The following MACROD2 variants were observed in gnomAD, a reference collection of about 807,000 sequenced individuals.
MACROD2 encodes the protein ADP-ribose glycohydrolase MACROD2.
In MACROD2, 36 loss-of-function variants were observed where a neutral mutation model predicts 70.4. That is an observed-to-expected ratio of 0.51 (90% confidence interval 0.39 to 0.68). The LOEUF (loss-of-function observed/expected upper bound fraction) is 0.68. Ranked by LOEUF, MACROD2 falls within the 30% of genes least tolerant of loss-of-function variation. The probability of loss-of-function intolerance (pLI) is 0.00; values close to 1 mark genes in which losing one functional copy is unlikely to be tolerated. For missense variants in MACROD2, 496 were observed against 538.4 expected (o/e 0.92, Z 0.78); for synonymous variants, 172 against 178.8 (o/e 0.96, Z 0.30).
intron 8 of MACROD2, among the ~76,000 whole-genome samples, chr20:15,580,641 G>A (rs1217174935): frequency 6.6e-6 from 1 of 152,112 alleles, no homozygotes; most frequent in Non-Finnish European, 1.5e-5. Context: ...GTGGCCAATG[G>A]AAAACTTCCT....
chr20:14,464,488 C>G (rs556248189), intron 3 of MACROD2, among the ~76,000 whole-genome samples: 2 of 152,070 alleles, frequency 1.3e-5, no homozygotes, highest in South Asian at 2.1e-4. Context: ...AAAACCAGCT[C>G]CTGGATTCAT....
chr20:14,564,934 C>T (rs906896690), intron 4 of MACROD2, among the ~76,000 whole-genome samples: 1 of 151,850 alleles, frequency 6.6e-6, no homozygotes, highest in Non-Finnish European at 1.5e-5. Flanking sequence ...TGGAATCAAC[C>T]TAAATGTTGA....
chr20:14,534,532 C>T (rs780776308), intron 4 of MACROD2, among the ~76,000 whole-genome samples: 6 of 152,104 alleles, frequency 3.9e-5, no homozygotes, highest in Non-Finnish European at 5.9e-5. Context: ...TGAATAATCT[C>T]GTTGATCAAG....
intron 6 of MACROD2, among the ~76,000 whole-genome samples, chr20:15,319,021 T>C (rs941727065): frequency 6.6e-6 from 1 of 152,114 alleles, no homozygotes; most frequent in Non-Finnish European, 1.5e-5. Flanking sequence ...AGTAAAACTA[T>C]TTCTAATGGC....
intron 12 of MACROD2, among the ~76,000 whole-genome samples, chr20:15,945,350 T>G (rs1216283683): frequency 6.6e-6 from 1 of 152,226 alleles, no homozygotes; most frequent in Non-Finnish European, 1.5e-5. Context: ...AAAGATCTAA[T>G]TAATCCATTT....
intron 8 of MACROD2, among the ~76,000 whole-genome samples, chr20:15,653,216 T>C (rs986482721): frequency 2.6e-5 from 4 of 152,216 alleles, no homozygotes; most frequent in African/African-American, 7.2e-5. Flanking sequence ...ATTAGCACTC[T>C]CTTTATTTGT....
At chr20:14,339,475 G>A (rs1340896562) in intron 3 of MACROD2, among the ~76,000 whole-genome samples, 1 of 152,146 alleles carries the variant, frequency 6.6e-6, no homozygotes, top group Admixed American at 6.5e-5. Context: ...AGTTGGTTCT[G>A]TTTAAAAAAG....
intron 6 of MACROD2, among the ~76,000 whole-genome samples, chr20:15,295,222 C>T (rs2077575238): frequency 1.3e-5 from 2 of 152,178 alleles, no homozygotes; most frequent in South Asian, 2.1e-4. Context: ...AATTGTGAGT[C>T]CTCCCCAGTC....
rs1389356621 is a variant in MACROD2 at position 15,342,711 on chromosome 20, T to A, written c.541-88694T>A. ...ACTGTAATATAGTAAAAATGTGACT[T>A]AAAACATTAAATGGATTAAGGAGAA... On this transcript the variant is annotated intron_variant, in intron 6 of 17. Transcript: ENST00000684519. Among the ~76,000 whole-genome samples the A allele has an allele frequency of 2.0e-5, 3 of 152,274 alleles. No individual in the cohort carries two copies. The East Asian group carries it at 5.8e-4, about 29-fold the overall frequency.
intron 6 of MACROD2, among the ~76,000 whole-genome samples, chr20:15,239,467 C>A (rs530032582): frequency 6.6e-6 from 1 of 151,982 alleles, no homozygotes; most frequent in South Asian, 2.1e-4. Flanking sequence ...AAACACATAC[C>A]CTTCAAAACT....
At chr20:14,177,337 T>A (rs1053416448) in intron 3 of MACROD2, among the ~76,000 whole-genome samples, 1 of 151,356 alleles carries the variant, frequency 6.6e-6, no homozygotes, top group African/African-American at 2.4e-5. Flanking sequence ...GTTTTGCTTT[T>A]GTTGCCCAGG....
At chr20:15,619,686 G>T (rs2049097392) in intron 8 of MACROD2, 1 of 261,794 alleles carries the variant, frequency 3.8e-6, no homozygotes, top group Non-Finnish European at 7.8e-6. Flanking sequence ...TCATAAGGAA[G>T]CTGGGCCCCC....
At chr20:14,695,552 A>C (rs529944306) in intron 5 of MACROD2, among the ~76,000 whole-genome samples, 2 of 152,320 alleles carry the variant, frequency 1.3e-5, no homozygotes, top group East Asian at 3.9e-4. Context: ...GAGCATGGCC[A>C]GTTTCTATGT....
At chr20:15,618,877 A>G (rs2049082074) in intron 8 of MACROD2, among the ~76,000 whole-genome samples, 2 of 152,184 alleles carry the variant, frequency 1.3e-5, no homozygotes. Context: ...TATTATTCAA[A>G]TCAGTTTTGC....
intron 6 of MACROD2, among the ~76,000 whole-genome samples, chr20:15,383,125 T>A (rs538648533): frequency 1.3e-5 from 2 of 152,316 alleles, no homozygotes; most frequent in Admixed American, 1.3e-4. Flanking sequence ...AGCTTCTCAT[T>A]CATGAAATAC....
chr20:14,341,576 T>C (rs1404056196), intron 3 of MACROD2, among the ~76,000 whole-genome samples: 1 of 152,056 alleles, frequency 6.6e-6, no homozygotes, highest in African/African-American at 2.4e-5. Flanking sequence ...GAGGTGGAGG[T>C]TGCAGTGAGC....
intron 6 of MACROD2, among the ~76,000 whole-genome samples, chr20:15,320,274 A>G (rs1319440378): frequency 6.6e-6 from 1 of 152,190 alleles, no homozygotes; most frequent in Admixed American, 6.5e-5. Flanking sequence ...TGAAATTATT[A>G]CTTATTGAGT....
intron 2 of MACROD2, among the ~76,000 whole-genome samples, chr20:14,080,963 T>C (rs980891851): frequency 5.9e-5 from 9 of 152,246 alleles, no homozygotes; most frequent in Non-Finnish European, 4.4e-5. Context: ...TCTTCTTTCC[T>C]TGAACAATAA....
intron 4 of MACROD2, among the ~76,000 whole-genome samples, chr20:14,519,700 C>T (rs1256300710): frequency 6.6e-6 from 1 of 152,160 alleles, no homozygotes; most frequent in Non-Finnish European, 1.5e-5. Context: ...TTCAACCCAG[C>T]AACCCCATTA....
Sources: gnomAD v4.1 joint callset for allele counts (sites outside exome capture counted in the v4.1 genomes callset) on GRCh38, gnomAD v4.1.1 for gene constraint, MANE v1.5 for transcripts, NCBI Gene and HGNC (gene_info 2026-07-23, HGNC 2026-07-21) for gene names.